The following NSD2 variants were observed in gnomAD, a reference collection of about 807,000 sequenced individuals.
NSD2 encodes the protein nuclear receptor binding SET domain protein 2, also known as histone-lysine N-methyltransferase NSD2.
Under a neutral mutation model 139.0 loss-of-function variants are expected in NSD2, and 12 were observed. The observed-to-expected ratio is 0.09, with a 90% confidence interval of 0.06 to 0.14. The LOEUF is 0.14. Among genes scored for constraint, NSD2 ranks in the 10% least tolerant of loss-of-function variants. The pLI is 1.00. For synonymous variants in NSD2, 669 were observed against 648.7 expected (o/e 1.03, Z -0.48); for missense variants, 1,155 against 1,745.0 (o/e 0.66, Z 6.02).
chr4:1,894,194 T>G (rs1715925055), intron 1 of NSD2, among the ~76,000 whole-genome samples: 1 of 151,986 alleles, frequency 6.6e-6, no homozygotes, highest in Non-Finnish European at 1.5e-5. Context: ...TGACCTCGAG[T>G]GATCTTCCCA....
intron 1 of NSD2, among the ~76,000 whole-genome samples, chr4:1,875,882 C>G (rs1033985517): frequency 1.3e-5 from 2 of 148,940 alleles, no homozygotes; most frequent in African/African-American, 5.0e-5. Context: ...GCACTCCAGC[C>G]TGGGAGACAG....
At chr4:1,912,511 G>A (rs188774715) in intron 3 of NSD2, among the ~76,000 whole-genome samples, 1 of 151,644 alleles carries the variant, frequency 6.6e-6, no homozygotes, top group African/African-American at 2.4e-5. Flanking sequence ...CATACACTAT[G>A]TTGTCCATAC....
intron 1 of NSD2, among the ~76,000 whole-genome samples, chr4:1,893,072 C>T (rs1715735083): frequency 6.6e-6 from 1 of 152,176 alleles, no homozygotes; most frequent in Admixed American, 6.6e-5. Flanking sequence ...AATCTGATTC[C>T]TCTAAGTCCG....
chr4:1,908,643 A>C (rs1221874705), intron 3 of NSD2, among the ~76,000 whole-genome samples: 2 of 152,088 alleles, frequency 1.3e-5, no homozygotes, highest in East Asian at 3.9e-4. Context: ...CATCAGGAGG[A>C]GCTTATGTGT....
intron 1 of NSD2, among the ~76,000 whole-genome samples, chr4:1,873,132 C>T (rs1476194283): frequency 6.6e-6 from 1 of 152,174 alleles, no homozygotes; most frequent in African/African-American, 2.4e-5. Context: ...TTCTCAGCCA[C>T]CCAAACCCAG....
At chr4:1,885,119 A>T (rs1011893287) in intron 1 of NSD2, among the ~76,000 whole-genome samples, 1 of 148,926 alleles carries the variant, frequency 6.7e-6, no homozygotes, top group African/African-American at 2.6e-5. Flanking sequence ...TCAAAAAAAA[A>T]AAATAAAAAT....
At chr4:1,932,300 C>T (rs1721734475) in intron 6 of NSD2, among the ~76,000 whole-genome samples, 1 of 151,022 alleles carries the variant, frequency 6.6e-6, no homozygotes, top group African/African-American at 2.4e-5. Context: ...TTAGCCAGGC[C>T]TGGTGGTGCA....
Position 1,918,454 on chromosome 4 carries a change from G to A in NSD2, c.1241G>A (p.Ser414Asn). The change falls in exon 5 of 22, where the codon AGT becomes AAT. Residue 414 changes from serine (S) to asparagine (N), a missense_variant. Physicochemically the swap from Ser to Asn is conservative, Grantham distance 46. Around this residue, in one of 8 missense-constraint regions of NSD2, gnomAD observed 420 missense variants for 469.0 expected, o/e 0.90. Transcript: ENST00000508803. ...KLCSSAETLE[S>N]HPDIGKSTPQ... The stretch of plus-strand genomic sequence containing the variant: ...TGTAGCTCTGCAGAGACCCTGGAGA[G>A]TCACCCCGACATAGGGAAGAGTACT... The A allele has an allele frequency of 6.2e-7, 1 of 1,614,098 alleles. No individual in the cohort carries two copies. Among genetic ancestry groups the A allele is most frequent in the Non-Finnish European group, 8.5e-7 (1 of 1,180,026 alleles).
intron 10 of NSD2, among the ~76,000 whole-genome samples, chr4:1,951,496 ACACACACACACACACACAC>A (rs1724253093): frequency 7.1e-6 from 1 of 139,910 alleles, no homozygotes; most frequent in Admixed American, 7.3e-5. Context: ...ACACACACAC[ACACACACACACACACACAC>A]ACACACACAA....
intron 9 of NSD2, chr4:1,947,343 T>A (rs1045581852): frequency 3.0e-5 from 32 of 1,061,616 alleles, no homozygotes; most frequent in Admixed American, 5.4e-5. Context: ...GCCACCTGCT[T>A]GGGGCTATGT....
At chr4:1,959,851 G>GAA in intron 17 of NSD2, 111 bp downstream of exon 17, 1 of 1,446,828 alleles carries the variant, frequency 6.9e-7, no homozygotes. Flanking sequence ...GTATTTTTTG[G>GAA]AAAAAAAATT....
At chr4:1,962,532 G>C (rs1180143920) in intron 18 of NSD2, among the ~76,000 whole-genome samples, 1 of 152,198 alleles carries the variant, frequency 6.6e-6, no homozygotes, top group African/African-American at 2.4e-5. Context: ...GAAAAAATTT[G>C]TGTGTGTATA....
Position 1,955,100 on chromosome 4 carries a change from T to C in NSD2, c.2339-61T>C. ...TGGAGGCTGAGTAATTATTAGTTGC[T>C]CTTTTCACTATGACTGGAGTCAGTG... On this transcript the variant is annotated intron_variant, in intron 12 of 21. Transcript: ENST00000508803. This position sits in a 1 kb window ranked among gnomAD's most constrained non-coding sequence, Gnocchi z 4.7. The C allele has an allele frequency of 1.3e-6, 2 of 1,488,930 alleles. No homozygotes were observed. The highest frequency in any genetic ancestry group is 1.3e-5 in the South Asian group (1 of 77,280). 92.2% of individuals were successfully genotyped at this position (1,488,930 alleles called of 1,614,324 possible).
chr4:1,925,634 G>T (rs1720795559), intron 5 of NSD2, among the ~76,000 whole-genome samples: 1 of 151,234 alleles, frequency 6.6e-6, no homozygotes, highest in Non-Finnish European at 1.5e-5. Context: ...CCTGACCTCA[G>T]GTGATCCACC....
intron 18 of NSD2, among the ~76,000 whole-genome samples, chr4:1,968,515 G>C (rs1257973844): frequency 6.6e-6 from 1 of 152,174 alleles, no homozygotes; most frequent in East Asian, 1.9e-4. Flanking sequence ...AATAGAAGTG[G>C]AAGGTGTAAC....
intron 1 of NSD2, among the ~76,000 whole-genome samples, chr4:1,874,116 TAC>T (rs1231535626): frequency 1.3e-5 from 2 of 152,272 alleles, no homozygotes; most frequent in Admixed American, 6.5e-5. Flanking sequence ...TAAGGCTTTT[TAC>T]TCATATATTC....
rs1471196177 is a variant in NSD2, at chr4:1,958,290, A to G, written c.2985+254A>G. Among the ~76,000 whole-genome samples the G allele has an allele frequency of 1.3e-5, 2 of 152,170 alleles. No individual in the cohort carries two copies. Among genetic ancestry groups the G allele is most frequent in the Non-Finnish European group, 2.9e-5 (2 of 68,032 alleles). On this transcript the variant is annotated intron_variant, in intron 16 of 21. Transcript: ENST00000508803. This position sits in a 1 kb window ranked among gnomAD's most constrained non-coding sequence, Gnocchi z 4.6. ...GAGAAGGGTTGGGGTGACAGTCCTG[A>G]CCGGGCTGCTTGGAGCAGGAGGAGC... is the stretch of plus-strand genomic sequence containing the variant.
chr4:1,904,116 G>A, intron 2 of NSD2, 100 bp from the exon 3 acceptor site: 1 of 1,320,610 alleles, frequency 7.6e-7, no homozygotes, highest in Admixed American at 2.3e-5. Flanking sequence ...TTGGGGGTCT[G>A]TGTGTATTTG....
At position 1,942,580 on chromosome 4, in the gene NSD2, C is replaced by A; in HGVS notation, c.1881+2802C>A. On this transcript the variant is annotated intron_variant, in intron 9 of 21. Coordinates refer to ENST00000508803, the MANE Select transcript of NSD2 (RefSeq NM_001042424.3). The surrounding 1 kb of genome is among the most constrained non-coding windows in gnomAD (Gnocchi z 4.0). Reference sequence around the variant, plus strand: ...TTAAGACCAAGGTAAGATAACTAATCAAGGCCATTTAATCCGTCACATTCA... The same window carrying A: ...TTAAGACCAAGGTAAGATAACTAATAAAGGCCATTTAATCCGTCACATTCA... 1 of 1,349,192 alleles carries A rather than the reference C, an allele frequency of 7.4e-7. No individual in the cohort carries two copies. The highest frequency in any genetic ancestry group is 9.5e-7 in the Non-Finnish European group (1 of 1,049,036). The allele number at this position is 1,349,192 out of a possible 1,614,324, so 83.6% of individuals were successfully genotyped here.
Sources: gnomAD v4.1 joint callset for allele counts (sites outside exome capture counted in the v4.1 genomes callset) on GRCh38, gnomAD v4.1.1 for gene constraint, gnomAD v4.1.1 regional missense constraint, Gnocchi (gnomAD v3.1) non-coding constraint, MANE v1.5 for transcripts, NCBI Gene and HGNC (gene_info 2026-07-23, HGNC 2026-07-21) for gene names.